MEI1: variants seen among roughly 807,000 people sequenced by gnomAD.
MEI1 encodes meiotic double-stranded break formation protein 1.
A neutral mutation model predicts 146.2 loss-of-function variants in MEI1; 103 were observed. That is an observed-to-expected ratio of 0.70 (90% CI 0.60 to 0.83). MEI1 has a LOEUF of 0.83. Among genes scored for constraint, MEI1 ranks in the 40% least tolerant of loss-of-function variants. MEI1 has a pLI of 0.00. For synonymous variants in MEI1, 652 were observed against 628.2 expected (o/e 1.04, Z -0.57); for missense variants, 1,529 against 1,533.0 (o/e 1.00, Z 0.04).
chr22:41,706,792 C>T (rs1433658261), intron 3 of MEI1, among the ~76,000 whole-genome samples: 1 of 151,960 alleles, frequency 6.6e-6, no homozygotes, highest in Non-Finnish European at 1.5e-5. Flanking sequence ...GGTAAGAGCC[C>T]TGGTATGTGA....
At chr22:41,742,854 G>A (rs1280301782) in intron 11 of MEI1, among the ~76,000 whole-genome samples, 1 of 152,104 alleles carries the variant, frequency 6.6e-6, no homozygotes, top group Non-Finnish European at 1.5e-5. Flanking sequence ...ATGTTGCCCA[G>A]GCTGGTCTCC....
chr22:41,706,485 TACAA>T lies in MEI1; in HGVS notation c.349+933_349+936del, dbSNP rs1417009424. ...TGATGAGTGCTGTTACAAAGGCACA[TACAA>T]AACTCTTTTTTAGTACATCTCGTAT... is the stretch of plus-strand genomic sequence containing the variant. On this transcript the variant is annotated intron_variant, in intron 3 of 30. Transcript: ENST00000401548. 3.3e-5 allele frequency among the ~76,000 whole-genome samples: 5 copies of T among 152,276 alleles called. No individual in the cohort carries two copies. In the East Asian group the frequency reaches 9.6e-4, roughly 29 times the overall value.
At position 41,739,037 on chromosome 22, in the gene MEI1, G is replaced by GT. The variant is rs375577235; in HGVS notation, c.1332-4042dup. Among the ~76,000 whole-genome samples, 41 of 151,938 alleles carry GT rather than the reference G, an allele frequency of 2.7e-4. No homozygotes were observed. The South Asian group carries it at 8.5e-3, about 31-fold the overall frequency. Reference sequence around the variant, plus strand: ...AGGCTGGGCATGGTGGCTCACGCCTGTAATTCCAGCACTTTGGGAGGCCGA... The same window carrying GT: ...AGGCTGGGCATGGTGGCTCACGCCTGTTAATTCCAGCACTTTGGGAGGCCGA... On this transcript the variant is annotated intron_variant, in intron 11 of 30. Coordinates refer to ENST00000401548, the MANE Select transcript of MEI1 (RefSeq NM_152513.4).
chr22:41,796,324 A>G (rs2148270657), intron 30 of MEI1, among the ~76,000 whole-genome samples: 1 of 149,682 alleles, frequency 6.7e-6, no homozygotes, highest in East Asian at 2.0e-4. Flanking sequence ...AGTAGCTGGG[A>G]CTACAGGTGC....
At chr22:41,726,705 C>T (rs898116272) in intron 7 of MEI1, among the ~76,000 whole-genome samples, 5 of 151,764 alleles carry the variant, frequency 3.3e-5, no homozygotes, top group Non-Finnish European at 5.9e-5. Flanking sequence ...TAATGGCTTG[C>T]GTTACATCAA....
intron 19 of MEI1, among the ~76,000 whole-genome samples, chr22:41,764,177 G>T (rs1050318694): frequency 6.6e-5 from 10 of 152,102 alleles, no homozygotes; most frequent in Non-Finnish European, 1.5e-4. Context: ...AGCCAGGATG[G>T]TCTCAATCTC....
chr22:41,727,559 A>T (rs112295868), intron 7 of MEI1, among the ~76,000 whole-genome samples: 1 of 152,034 alleles, frequency 6.6e-6, no homozygotes. Context: ...TAGCTTTGCC[A>T]CTTATCAGCT....
intron 22 of MEI1, among the ~76,000 whole-genome samples, chr22:41,780,556 A>G (rs1347070860): frequency 1.3e-5 from 2 of 150,914 alleles, no homozygotes; most frequent in Non-Finnish European, 1.5e-5. Flanking sequence ...GGGGAGATGA[A>G]CTTTGAGCTG....
chr22:41,708,974 C>T (rs1400284399), intron 3 of MEI1, among the ~76,000 whole-genome samples: 3 of 152,172 alleles, frequency 2.0e-5, no homozygotes, highest in Admixed American at 6.5e-5. Context: ...CAGGGAATCC[C>T]TCCTCCTGGG....
At chr22:41,759,624 C>G (rs1020495799) in intron 18 of MEI1, among the ~76,000 whole-genome samples, 2 of 116,148 alleles carry the variant, frequency 1.7e-5, no homozygotes, top group Admixed American at 8.3e-5. Flanking sequence ...AGCGAGACTC[C>G]GTCTCAAAAA....
chr22:41,770,635 C>CT, intron 19 of MEI1, 51 bp from the exon 20 acceptor site: 1 of 1,559,434 alleles, frequency 6.4e-7, no homozygotes, highest in Non-Finnish European at 8.7e-7. Context: ...GTTGGGGTCT[C>CT]TTGGGTCCTC....
intron 24 of MEI1, among the ~76,000 whole-genome samples, chr22:41,782,143 T>C (rs1009706167): frequency 1.3e-5 from 2 of 152,200 alleles, no homozygotes; most frequent in African/African-American, 4.8e-5. Context: ...AGGGAACTTG[T>C]AGTCTTTAAG....
chr22:41,782,897 A>G (rs2075816925), intron 24 of MEI1, among the ~76,000 whole-genome samples: 1 of 151,956 alleles, frequency 6.6e-6, no homozygotes, highest in Non-Finnish European at 1.5e-5. Context: ...AGGCCTGATC[A>G]TTCGTCCTCC....
At chr22:41,758,038 G>A (rs1049360960) in intron 17 of MEI1, among the ~76,000 whole-genome samples, 3 of 152,140 alleles carry the variant, frequency 2.0e-5, no homozygotes, top group South Asian at 2.1e-4. Flanking sequence ...AACCCAGAAC[G>A]GGGAGGTTGC....
intron 17 of MEI1, among the ~76,000 whole-genome samples, chr22:41,757,111 T>C (rs1390269353): frequency 6.6e-6 from 1 of 152,240 alleles, no homozygotes; most frequent in African/African-American, 2.4e-5. Flanking sequence ...CTTTCTTTTT[T>C]TGAGACGGAG....
chr22:41,720,739 G>A (rs1395681895), intron 6 of MEI1, among the ~76,000 whole-genome samples: 1 of 151,736 alleles, frequency 6.6e-6, no homozygotes, highest in African/African-American at 2.4e-5. Context: ...TGAGATTACA[G>A]GCGCCTGCCA....
chr22:41,715,070 A>G (rs1382038803), intron 4 of MEI1, among the ~76,000 whole-genome samples: 1 of 152,192 alleles, frequency 6.6e-6, no homozygotes, highest in Non-Finnish European at 1.5e-5. Context: ...TTAATATGTC[A>G]GATTGAATTT....
rs555597074 is a variant in MEI1, at chr22:41,763,172, A to C, written c.2121-2A>C. ...CTCACTCAGGCTTTTCTTGGTTGACAGGTTTGTCTCAGAGGCAGAGTTATT... is the reference window on the plus strand; with the variant it reads ...CTCACTCAGGCTTTTCTTGGTTGACCGGTTTGTCTCAGAGGCAGAGTTATT... On this transcript the variant is annotated splice_acceptor_variant, in intron 18 of 30. Transcript: ENST00000401548. LOFTEE classifies it high-confidence loss of function. 6.2e-7 allele frequency: 1 copy of C among 1,613,524 alleles called. No individual in the cohort carries two copies. Among genetic ancestry groups the C allele is most frequent in the Non-Finnish European group, 8.5e-7 (1 of 1,179,644 alleles).
chr22:41,735,541 AT>A (rs905086495), intron 11 of MEI1, among the ~76,000 whole-genome samples: 1 of 151,794 alleles, frequency 6.6e-6, no homozygotes, highest in African/African-American at 2.4e-5. Flanking sequence ...CCATATTGTT[AT>A]TTTTTTTATA....
Sources: gnomAD v4.1 joint callset for allele counts (sites outside exome capture counted in the v4.1 genomes callset) on GRCh38, gnomAD v4.1.1 for gene constraint, MANE v1.5 for transcripts, NCBI Gene and HGNC (gene_info 2026-07-23, HGNC 2026-07-21) for gene names.